Variants in TTC6 observed in about 807,000 individuals in gnomAD.
TTC6 encodes tetratricopeptide repeat domain 6, also known as tetratricopeptide repeat protein 6.
In TTC6, 172 loss-of-function variants were observed where a neutral mutation model predicts 210.4. That is an observed-to-expected ratio of 0.82 (90% CI 0.72 to 0.93). The LOEUF is 0.93. TTC6 is among the 40% of genes least tolerant of loss of function. The probability of loss-of-function intolerance (pLI) is 0.00; values close to 1 mark genes in which losing one functional copy is unlikely to be tolerated. For synonymous variants in TTC6, 804 were observed against 819.6 expected, an observed-to-expected ratio of 0.98 and a Z score of 0.32; for missense variants, 2,414 against 2,318.1, an observed-to-expected ratio of 1.04 and a Z score of -0.85.
At chr14:37,841,008 A>T (rs1198236114) in intron 29 of TTC6, among the ~76,000 whole-genome samples, 1 of 151,984 alleles carries the variant, frequency 6.6e-6, no homozygotes, top group Non-Finnish European at 1.5e-5. Context: ...AGCTGGGATT[A>T]CAGGTGCCTG....
At position 37,704,380 on chromosome 14, in the gene TTC6, A is replaced by G. The variant is rs544209496; in HGVS notation, c.1571+2854A>G. Among the ~76,000 whole-genome samples the G allele has an allele frequency of 4.6e-5, 7 of 152,224 alleles. No individual in the cohort carries two copies. The East Asian group carries it at 1.4e-3, about 29-fold the overall frequency. ...AGATAGTTACTATTATAACCAAGCTATGGTGACACTATTTATGCCAATTTA... is the reference window on the plus strand; with the variant it reads ...AGATAGTTACTATTATAACCAAGCTGTGGTGACACTATTTATGCCAATTTA... On this transcript the variant is annotated intron_variant, in intron 5 of 30. Transcript: ENST00000553443.
chr14:37,759,262 C>CAA (rs71127241), intron 14 of TTC6, among the ~76,000 whole-genome samples: 80 of 119,902 alleles, frequency 6.7e-4, no homozygotes, highest in South Asian at 1.3e-3. Context: ...GACTCCATCT[C>CAA]AAAAAAAAAA....
chr14:37,791,690 T>G (rs2096079733), intron 16 of TTC6, among the ~76,000 whole-genome samples: 1 of 152,158 alleles, frequency 6.6e-6, no homozygotes, highest in Non-Finnish European at 1.5e-5. Context: ...AGGGATTCTG[T>G]GAGGTTGGAT....
intron 7 of TTC6, among the ~76,000 whole-genome samples, chr14:37,734,704 G>T (rs1170530958): frequency 6.6e-6 from 1 of 152,018 alleles, no homozygotes; most frequent in African/African-American, 2.4e-5. Flanking sequence ...TAGAGTAGGA[G>T]GATTTTTTTT....
intron 5 of TTC6, among the ~76,000 whole-genome samples, chr14:37,702,019 A>C (rs2095826385): frequency 6.6e-6 from 1 of 152,286 alleles, no homozygotes; most frequent in South Asian, 2.1e-4. Flanking sequence ...TGGAATCTGC[A>C]TATTCTTTTG....
At chr14:37,701,295 A>T (rs1383559393) in intron 4 of TTC6, 37 bp from the exon 7 acceptor site, 2 of 1,331,294 alleles carry the variant, frequency 1.5e-6, no homozygotes, top group African/African-American at 3.0e-5. Flanking sequence ...AGTCCACAAA[A>T]TGATGAAAGG....
intron 1 of TTC6, among the ~76,000 whole-genome samples, chr14:37,637,107 A>G (rs1044964050): frequency 6.6e-6 from 1 of 152,084 alleles, no homozygotes; most frequent in African/African-American, 2.4e-5. Flanking sequence ...AAACAAACAA[A>G]CCAAACCAAA....
At chr14:37,736,591 A>G (rs1047396563) in intron 8 of TTC6, among the ~76,000 whole-genome samples, 4 of 152,152 alleles carry the variant, frequency 2.6e-5, no homozygotes, top group Admixed American at 6.5e-5. Context: ...TCTTTGACTA[A>G]ATGGAGAAAC....
intron 8 of TTC6, among the ~76,000 whole-genome samples, chr14:37,736,237 A>C (rs191832187): frequency 2.6e-4 from 39 of 152,158 alleles, no homozygotes; most frequent in Non-Finnish European, 4.4e-4. Flanking sequence ...AAAACAAAAA[A>C]ATTAGCTGGA....
At chr14:37,729,478 G>A (rs188821280) in intron 7 of TTC6, among the ~76,000 whole-genome samples, 19 of 152,292 alleles carry the variant, frequency 1.2e-4, no homozygotes, top group African/African-American at 4.3e-4. Flanking sequence ...ATGCTTCCTT[G>A]GGGCTGCTCC....
At chr14:37,735,619 G>T (rs187441879) in intron 7 of TTC6, among the ~76,000 whole-genome samples, 23 of 152,236 alleles carry the variant, frequency 1.5e-4, no homozygotes, top group African/African-American at 5.3e-4. Context: ...TAAATTCAGT[G>T]TTAACCTATG....
intron 15 of TTC6, among the ~76,000 whole-genome samples, chr14:37,790,481 A>C (rs1338939725): frequency 2.0e-5 from 3 of 152,180 alleles, no homozygotes; most frequent in Admixed American, 6.6e-5. Flanking sequence ...ATCAGGATTT[A>C]ATTCAGCTCT....
At chr14:37,721,084 G>GAA (rs71127232) in intron 6 of TTC6, among the ~76,000 whole-genome samples, 36 of 120,396 alleles carry the variant, frequency 3.0e-4, no homozygotes, top group Admixed American at 8.5e-4. Flanking sequence ...CAGTGGAACA[G>GAA]AAAAAAAAAA....
intron 1 of TTC6, among the ~76,000 whole-genome samples, chr14:37,624,497 G>T (rs1470630801): frequency 1.3e-5 from 2 of 152,134 alleles, no homozygotes; most frequent in Non-Finnish European, 2.9e-5. Context: ...TCAGAGCAGG[G>T]TCCCATAAGA....
intron 14 of TTC6, among the ~76,000 whole-genome samples, chr14:37,765,517 A>G (rs1002159718): frequency 3.9e-5 from 6 of 152,124 alleles, no homozygotes; most frequent in African/African-American, 9.7e-5. Flanking sequence ...GCCCAGTGAC[A>G]TAGACTTATT....
chr14:37,611,514 G>A (rs1012769142), intron 2 of TTC6, among the ~76,000 whole-genome samples: 1 of 152,188 alleles, frequency 6.6e-6, no homozygotes, highest in African/African-American at 2.4e-5. Context: ...GGTAGAAAAA[G>A]GGGCTGGGGC....
intron 14 of TTC6, 37 bp downstream of exon 16, chr14:37,753,272 C>T (rs780425402): frequency 6.9e-7 from 1 of 1,458,880 alleles, no homozygotes. Context: ...AAAATTATTA[C>T]TATTATTTGA....
At chr14:37,778,234 G>T (rs1222401581) in intron 14 of TTC6, among the ~76,000 whole-genome samples, 1 of 152,154 alleles carries the variant, frequency 6.6e-6, no homozygotes, top group Non-Finnish European at 1.5e-5. Flanking sequence ...AGGGACACTG[G>T]TGTCCATTCA....
intron 29 of TTC6, among the ~76,000 whole-genome samples, chr14:37,839,175 C>T (rs1053954603): frequency 6.6e-6 from 1 of 152,134 alleles, no homozygotes; most frequent in African/African-American, 2.4e-5. Context: ...AATGGGATTG[C>T]TGGGTCAAAT....
Sources: gnomAD v4.1 joint callset for allele counts (sites outside exome capture counted in the v4.1 genomes callset) on GRCh38, gnomAD v4.1.1 for gene constraint, MANE v1.5 for transcripts, NCBI Gene and HGNC (gene_info 2026-07-23, HGNC 2026-07-21) for gene names.